The following DIAPH2 variants were observed in gnomAD, a reference collection of about 807,000 sequenced individuals.
The protein encoded by DIAPH2 is protein diaphanous homolog 2.
Under a neutral mutation model 92.7 loss-of-function variants are expected in DIAPH2, and 35 were observed. The observed-to-expected ratio is 0.38, with a 90% CI of 0.29 to 0.50. The LOEUF (loss-of-function observed/expected upper bound fraction) is 0.50, where lower values mean the gene tolerates loss of function less well. Among genes scored for constraint, DIAPH2 ranks in the 20% least tolerant of loss-of-function variants. DIAPH2 has a pLI of 0.94. For synonymous variants in DIAPH2, 301 were observed against 280.4 expected, an observed-to-expected ratio of 1.07 and a Z score of -0.73; for missense variants, 701 against 819.5, an observed-to-expected ratio of 0.86 and a Z score of 1.77.
chrX:97,040,173 G>A (rs1410681047), intron 17 of DIAPH2, among the ~76,000 whole-genome samples: 2 of 106,926 alleles, frequency 1.9e-5, no homozygotes, highest in African/African-American at 6.7e-5. Flanking sequence ...CTACCCTTGA[G>A]GGTTTTTTTT....
chrX:97,340,630 G>T (rs776753185), intron 23 of DIAPH2, among the ~76,000 whole-genome samples: 1 of 109,053 alleles, frequency 9.2e-6, no homozygotes, highest in African/African-American at 3.3e-5. Flanking sequence ...AAATAGCCTT[G>T]CTGGTTTTTT....
chrX:97,101,361 C>T lies in DIAPH2; in HGVS notation c.2349+1566C>T, dbSNP rs763168288. 3.6e-5 allele frequency among the ~76,000 whole-genome samples: 4 copies of T among 109,932 alleles called. No homozygotes were observed. The South Asian group carries it at 1.2e-3, about 33-fold the overall frequency. ...ACACTGAGGAAATGAAGTTTGGGGA[C>T]GTAAAAAGCAATATACCTTCTGAAC... On this transcript the variant is annotated intron_variant, in intron 20 of 26. Coordinates refer to ENST00000324765, the MANE Select transcript of DIAPH2 (RefSeq NM_006729.5).
chrX:96,888,294 C>T (rs1413651399), intron 5 of DIAPH2, among the ~76,000 whole-genome samples: 2 of 108,697 alleles, frequency 1.8e-5, no homozygotes, highest in East Asian at 5.7e-4. Flanking sequence ...CTCCTGACCT[C>T]GTGATCCGCC....
At chrX:97,337,614 C>T (rs1281196941) in intron 23 of DIAPH2, among the ~76,000 whole-genome samples, 1 of 111,500 alleles carries the variant, frequency 9.0e-6, no homozygotes, top group Non-Finnish European at 1.9e-5. Context: ...ATTACCCAGT[C>T]TCAGGTATTT....
At position 97,171,256 on chromosome X, in the gene DIAPH2, G is replaced by A. The variant is rs549871464; in HGVS notation, c.2719+29462G>A. Reference sequence around the variant, plus strand: ...TAATGGTAGTGTAGCGTTATATTATGTATTACGGTTTATATGTAGCCAATA... The same window carrying A: ...TAATGGTAGTGTAGCGTTATATTATATATTACGGTTTATATGTAGCCAATA... On this transcript the variant is annotated intron_variant, in intron 22 of 26. Transcript: ENST00000324765. 1.2e-4 allele frequency among the ~76,000 whole-genome samples: 14 copies of A among 112,125 alleles called. No homozygotes were observed. The South Asian group carries it at 5.2e-3, about 42-fold the overall frequency.
intron 22 of DIAPH2, among the ~76,000 whole-genome samples, chrX:97,212,847 G>T (rs764348981): frequency 9.0e-6 from 1 of 111,200 alleles, no homozygotes; most frequent in South Asian, 3.7e-4. Flanking sequence ...TAAAAACCGT[G>T]CTTTTTGCAT....
intron 25 of DIAPH2, among the ~76,000 whole-genome samples, chrX:97,390,748 AT>A (rs2147739533): frequency 9.0e-6 from 1 of 111,212 alleles, no homozygotes; most frequent in South Asian, 3.8e-4. Flanking sequence ...TAATTTTTAA[AT>A]TTTTATAGGG....
rs979035408 is a variant in DIAPH2, at chrX:97,410,651, G to A, written c.3146-18999G>A. Among the ~76,000 whole-genome samples, 4 of 111,820 alleles carry A rather than the reference G, an allele frequency of 3.6e-5. No individual in the cohort carries two copies. The South Asian group carries it at 1.5e-3, about 42-fold the overall frequency. The stretch of plus-strand genomic sequence containing the variant: ...GGATGTTCAAACCCATTGCAAGGAA[G>A]CTAAAAATGTTGGAAGAAGATTAGA... On this transcript the variant is annotated intron_variant, in intron 25 of 26. Coordinates refer to ENST00000324765, the MANE Select transcript of DIAPH2 (RefSeq NM_006729.5).
intron 25 of DIAPH2, among the ~76,000 whole-genome samples, chrX:97,407,577 T>G (rs940057116): frequency 3.6e-5 from 4 of 112,354 alleles, no homozygotes; most frequent in African/African-American, 1.3e-4. Context: ...GAACTGTATC[T>G]AAGTTTGCCC....
intron 21 of DIAPH2, among the ~76,000 whole-genome samples, chrX:97,123,557 A>G (rs2067071628): frequency 8.9e-6 from 1 of 111,979 alleles, no homozygotes. Flanking sequence ...GTGCATATGG[A>G]CTTGTGCACG....
chrX:96,834,656 A>G (rs997132120), intron 4 of DIAPH2, among the ~76,000 whole-genome samples: 2 of 111,835 alleles, frequency 1.8e-5, no homozygotes, highest in African/African-American at 6.5e-5. Flanking sequence ...AGTATGATAC[A>G]TTAGGAGAAA....
chrX:97,298,504 A>C (rs1164395703), intron 23 of DIAPH2, among the ~76,000 whole-genome samples: 1 of 110,501 alleles, frequency 9.0e-6, no homozygotes, highest in Non-Finnish European at 1.9e-5. Context: ...AAGTATAGAA[A>C]GTCGTCATTA....
At chrX:96,805,362 T>A (rs1162840412) in intron 4 of DIAPH2, among the ~76,000 whole-genome samples, 1 of 110,099 alleles carries the variant, frequency 9.1e-6, no homozygotes, top group Non-Finnish European at 1.9e-5. Flanking sequence ...TTGTGGAGAA[T>A]GTGATACTTG....
chrX:97,263,826 A>G (rs959243550), intron 23 of DIAPH2, among the ~76,000 whole-genome samples: 4 of 109,502 alleles, frequency 3.7e-5, no homozygotes, highest in Admixed American at 9.9e-5. Flanking sequence ...ACCTCAGGTA[A>G]TCCGCCCACC....
At chrX:97,178,689 G>A (rs185709018) in intron 22 of DIAPH2, among the ~76,000 whole-genome samples, 14 of 110,088 alleles carry the variant, frequency 1.3e-4, no homozygotes, top group Admixed American at 2.0e-4. Context: ...ATTTCTTTCC[G>A]TGCTTATTTT....
At chrX:97,288,416 G>T (rs1423768630) in intron 23 of DIAPH2, among the ~76,000 whole-genome samples, 1 of 110,740 alleles carries the variant, frequency 9.0e-6, no homozygotes, top group Non-Finnish European at 1.9e-5. Context: ...AAGGAAGGGA[G>T]GCCAGGAATC....
At chrX:96,992,645 G>A (rs1427769118) in intron 17 of DIAPH2, among the ~76,000 whole-genome samples, 10 of 111,973 alleles carry the variant, frequency 8.9e-5, no homozygotes, top group African/African-American at 2.9e-4. Context: ...TTTTATTTAA[G>A]GTATTATTCC....
chrX:97,453,840 G>A (rs2070379355), intron 26 of DIAPH2: 1 of 111,439 alleles, frequency 9.0e-6, no homozygotes. Context: ...TTAAACGAGG[G>A]AACTTTTATA....
At chrX:97,414,744 C>A (rs2069922913) in intron 25 of DIAPH2, among the ~76,000 whole-genome samples, 2 of 109,564 alleles carry the variant, frequency 1.8e-5, no homozygotes, top group Admixed American at 2.0e-4. Context: ...AAGTGTTAGA[C>A]ATAAAGCCAT....
Sources: allele counts gnomAD v4.1 joint callset (sites outside exome capture counted in the v4.1 genomes callset), GRCh38; gene constraint gnomAD v4.1.1; transcripts MANE v1.5; gene names NCBI Gene and HGNC (gene_info 2026-07-23, HGNC 2026-07-21).